Variants in FGD5 observed in about 807,000 individuals in gnomAD.
FGD5 encodes FYVE, RhoGEF and PH domain containing 5, also known as FYVE, RhoGEF and PH domain-containing protein 5.
A neutral mutation model predicts 133.4 loss-of-function variants in FGD5; 28 were observed. The ratio of observed to expected loss-of-function variants is 0.21; its 90% confidence interval spans 0.16 to 0.29. The LOEUF (loss-of-function observed/expected upper bound fraction) is 0.29. FGD5 is among the 10% of genes least tolerant of loss of function. FGD5 has a pLI of 1.00. For synonymous variants in FGD5, 810 were observed against 776.5 expected (o/e 1.04, Z -0.72); for missense variants, 1,858 against 1,895.2 (o/e 0.98, Z 0.36).
chr3:14,920,934 A>G (rs1292688428), intron 13 of FGD5, among the ~76,000 whole-genome samples: 1 of 152,172 alleles, frequency 6.6e-6, no homozygotes, highest in African/African-American at 2.4e-5. Flanking sequence ...TGCTTCCTGG[A>G]GGAGGTGATG....
At chr3:14,868,352 G>C (rs548423364) in intron 2 of FGD5, among the ~76,000 whole-genome samples, 2 of 151,812 alleles carry the variant, frequency 1.3e-5, no homozygotes, top group Non-Finnish European at 2.9e-5. Context: ...CTGTCCTCAC[G>C]CCCTCTGTGG....
chr3:14,827,812 C>T (rs370974476), intron 1 of FGD5, among the ~76,000 whole-genome samples: 1 of 152,028 alleles, frequency 6.6e-6, no homozygotes, highest in Non-Finnish European at 1.5e-5. Flanking sequence ...TGGAGCATGC[C>T]GTCTGTTTGG....
chr3:14,852,605 A>G (rs2125095140), intron 1 of FGD5, among the ~76,000 whole-genome samples: 1 of 152,364 alleles, frequency 6.6e-6, no homozygotes, highest in East Asian at 1.9e-4. Context: ...ATGCTATTAT[A>G]AAAAGAAAGC....
chr3:14,932,516 A>C, intron 18 of FGD5, 61 bp from the exon 19 acceptor site: 1 of 1,548,904 alleles, frequency 6.5e-7, no homozygotes, highest in African/African-American at 1.4e-5. Context: ...ATTGGAGATA[A>C]CAGTAAATGA....
chr3:14,834,119 A>G (rs915986212), intron 1 of FGD5, among the ~76,000 whole-genome samples: 1 of 152,238 alleles, frequency 6.6e-6, no homozygotes, highest in South Asian at 2.1e-4. Flanking sequence ...TAGGATGCCA[A>G]TTAATGAGAT....
intron 4 of FGD5, among the ~76,000 whole-genome samples, chr3:14,888,330 CTTAG>C (rs1033060112): frequency 3.3e-5 from 5 of 152,146 alleles, no homozygotes; most frequent in East Asian, 3.8e-4. Context: ...ACTGCTCTCT[CTTAG>C]TTAGAGGGGA....
At chr3:14,880,494 T>C (rs1348907323) in intron 2 of FGD5, 78 bp from the exon 3 acceptor site, 2 of 1,419,740 alleles carry the variant, frequency 1.4e-6, no homozygotes, top group Non-Finnish European at 1.9e-6. Context: ...TGCTTGGAAC[T>C]TGCCTCCAGC....
At chr3:14,864,290 A>C in intron 2 of FGD5, 30 bp downstream of exon 2, 1 of 1,613,480 alleles carries the variant, frequency 6.2e-7, no homozygotes. Context: ...GGCCGTGGGC[A>C]TCGGAGACGT....
intron 2 of FGD5, among the ~76,000 whole-genome samples, chr3:14,880,030 C>T (rs764586270): frequency 2.0e-5 from 3 of 152,088 alleles, no homozygotes; most frequent in East Asian, 1.9e-4. Context: ...GCTCAACAAC[C>T]TTCAGAGTTA....
intron 11 of FGD5, among the ~76,000 whole-genome samples, chr3:14,915,519 A>G (rs1313748770): frequency 6.6e-6 from 1 of 151,974 alleles, no homozygotes; most frequent in Non-Finnish European, 1.5e-5. Context: ...TGTTGACACT[A>G]TGTGTAGAGC....
intron 1 of FGD5, among the ~76,000 whole-genome samples, chr3:14,829,130 G>A (rs1176124736): frequency 2.6e-5 from 4 of 152,096 alleles, no homozygotes; most frequent in Admixed American, 1.3e-4. Flanking sequence ...GTTCATGATG[G>A]AGACAGTCCA....
In FGD5 at chr3:14,914,380, C is replaced by G. The variant is rs146439649; in HGVS notation, c.3406-2869C>G. 2.6e-3 allele frequency among the ~76,000 whole-genome samples: 390 copies of G among 152,290 alleles called. 1 individual carries two copies. Among genetic ancestry groups the G allele is most frequent in the African/African-American group, 9.0e-3 (375 of 41,556 alleles). Reference sequence around the variant, plus strand: ...GGTGGCTTCTTACAGTGGGAAGCCCCCCTACCCATTCATGATGGGCTCTTC... The same window carrying G: ...GGTGGCTTCTTACAGTGGGAAGCCCGCCTACCCATTCATGATGGGCTCTTC... On this transcript the variant is annotated intron_variant, in intron 11 of 19. Coordinates refer to ENST00000285046, the MANE Select transcript of FGD5 (RefSeq NM_152536.4).
intron 18 of FGD5, chr3:14,932,071 A>G (rs1207568069): frequency 1.3e-5 from 2 of 152,220 alleles, no homozygotes; most frequent in Non-Finnish European, 2.9e-5. Context: ...TATTGTCTCA[A>G]CATACGTCAC....
intron 1 of FGD5, among the ~76,000 whole-genome samples, chr3:14,852,871 G>A (rs1326169438): frequency 2.0e-5 from 3 of 152,198 alleles, no homozygotes; most frequent in Non-Finnish European, 4.4e-5. Flanking sequence ...CACCAGGCAG[G>A]CAGCGTTCTC....
At chr3:14,874,091 A>G (rs1300164402) in intron 2 of FGD5, among the ~76,000 whole-genome samples, 1 of 112,160 alleles carries the variant, frequency 8.9e-6, no homozygotes, top group Non-Finnish European at 1.9e-5. Flanking sequence ...ATACAATGGA[A>G]TATTATTCAG....
chr3:14,932,523 A>T, intron 18 of FGD5, 54 bp from the exon 19 acceptor site: 1 of 1,571,586 alleles, frequency 6.4e-7, no homozygotes. Flanking sequence ...ATAACAGTAA[A>T]TGACTATGCA....
At chr3:14,887,689 A>G (rs1032995152) in intron 4 of FGD5, among the ~76,000 whole-genome samples, 2 of 152,188 alleles carry the variant, frequency 1.3e-5, no homozygotes, top group African/African-American at 2.4e-5. Context: ...GAACAATAGT[A>G]ACGCAGTGGT....
intron 2 of FGD5, among the ~76,000 whole-genome samples, chr3:14,879,379 G>C (rs776544415): frequency 2.0e-5 from 3 of 152,238 alleles, no homozygotes; most frequent in Non-Finnish European, 2.9e-5. Flanking sequence ...TATCCGGCAG[G>C]TTTGGGGCCA....
rs1575260960 is a variant in FGD5, at chr3:14,922,152, T to C, written c.3669+135T>C. On this transcript the variant is annotated intron_variant, in intron 14 of 19. Transcript: ENST00000285046. This position sits in a 1 kb window ranked among gnomAD's most constrained non-coding sequence, Gnocchi z 4.1. ...GGGGCACTGGCTCCCCCCACACCCC[T>C]GCCATGCTCCCACCCTAGTCAGGGG... 3 of 1,060,968 alleles carry C rather than the reference T, an allele frequency of 2.8e-6. No individual in the cohort carries two copies. The highest frequency in any genetic ancestry group is 4.1e-6 in the Non-Finnish European group (3 of 726,188). The allele number at this position is 1,060,968 out of a possible 1,614,324, so 65.7% of individuals were successfully genotyped here.
Sources: allele counts gnomAD v4.1 joint callset (sites outside exome capture counted in the v4.1 genomes callset), GRCh38; gene constraint gnomAD v4.1.1; non-coding constraint Gnocchi (gnomAD v3.1); transcripts MANE v1.5; gene names NCBI Gene and HGNC (gene_info 2026-07-23, HGNC 2026-07-21).